The following WIPI1 variants were observed in gnomAD, a reference collection of about 807,000 sequenced individuals.
WIPI1 encodes WD repeat domain phosphoinositide-interacting protein 1.
Under a neutral mutation model 55.3 loss-of-function variants are expected in WIPI1, and 45 were observed. That is an observed-to-expected ratio of 0.81 (90% CI 0.64 to 1.04). The LOEUF is 1.04. WIPI1 is among the 50% of genes least tolerant of loss of function. WIPI1 has a pLI of 0.00. For missense variants in WIPI1, 445 were observed against 559.0 expected, an observed-to-expected ratio of 0.80 and a Z score of 2.06; for synonymous variants, 195 against 217.6, an observed-to-expected ratio of 0.90 and a Z score of 0.92.
At chr17:68,438,137 C>T (rs574172978) in intron 4 of WIPI1, among the ~76,000 whole-genome samples, 6 of 152,264 alleles carry the variant, frequency 3.9e-5, no homozygotes, top group Admixed American at 1.3e-4. Flanking sequence ...GTCTCATTTC[C>T]TGCTCTGGCT....
Position 68,428,840 on chromosome 17 carries a change from G to T in WIPI1, c.1062C>A (p.Ile354=). ...DPQDGGECVL[I]KTHSLLGSGT... ...AGCAGTCTCTTCACCTGTGGGTTTT[G>T]ATTAAGACACACTCTCCTCCATCCT... Residue 354 remains isoleucine (I), a synonymous_variant, in exon 10 of 13, where the codon ATC becomes ATA. Transcript: ENST00000262139. 1 of 1,613,466 alleles carries T rather than the reference G, an allele frequency of 6.2e-7. No homozygotes were observed. Among genetic ancestry groups the T allele is most frequent in the South Asian group, 1.1e-5 (1 of 91,050 alleles).
intron 4 of WIPI1, 55 bp from the exon 5 acceptor site, chr17:68,436,534 G>T: frequency 6.6e-7 from 1 of 1,519,974 alleles, no homozygotes; most frequent in South Asian, 1.1e-5. Flanking sequence ...GAGATTGCAC[G>T]GCTGGAGAGG....
chr17:68,444,674 G>T, intron 3 of WIPI1, 85 bp from the exon 4 acceptor site: 2 of 1,119,462 alleles, frequency 1.8e-6, no homozygotes, highest in Non-Finnish European at 2.6e-6. Context: ...TTTCATATGA[G>T]TCCTAACTTG....
At chr17:68,426,250 G>GGGGGGGGGGGT in intron 11 of WIPI1, 75 bp from the exon 12 acceptor site, 3 of 828,060 alleles carry the variant, frequency 3.6e-6, no homozygotes, top group Non-Finnish European at 1.9e-6. Flanking sequence ...GGTGGGGAGC[G>GGGGGGGGGGGT]GGGGCTCAAA....
chr17:68,426,250 G>GGGGGGGT lies in WIPI1; in HGVS notation c.1193-76_1193-75insACCCCCC. 9 of 828,050 alleles carry GGGGGGGT rather than the reference G, an allele frequency of 1.1e-5. 2 individuals are homozygous for GGGGGGGT. The highest frequency in any genetic ancestry group is 3.4e-5 in the East Asian group (1 of 29,140). The allele number at this position is 828,050 out of a possible 1,614,324, so 51.3% of individuals were successfully genotyped here. A position where few individuals can be genotyped will look rare whatever the true frequency, so the allele number is the denominator to read the frequency against. The stretch of plus-strand genomic sequence containing the variant: ...TGCCATGACCTGGCGGGTGGGGAGC[G>GGGGGGGT]GGGGCTCAAATAAAGGGCAAAGGAA... On this transcript the variant is annotated intron_variant, in intron 11 of 12. Transcript: ENST00000262139.
chr17:68,434,654 A>G (rs146294421), intron 6 of WIPI1, 28 bp from the exon 7 acceptor site: 25,466 of 1,612,486 alleles, frequency 0.016, 244 homozygotes, highest in Non-Finnish European at 0.018. Flanking sequence ...TGGACATTTC[A>G]TAACCATTAG....
rs141095183 is a variant in WIPI1, at chr17:68,431,176, C to T, written c.801-1016G>A. Reference sequence around the variant, plus strand: ...AGCACGGGTGTATACAAAGAAAAACCACGTGAGCAGTTAATATGCGGTGCT... The same window carrying T: ...AGCACGGGTGTATACAAAGAAAAACTACGTGAGCAGTTAATATGCGGTGCT... On this transcript the variant is annotated intron_variant, in intron 8 of 12. Transcript: ENST00000262139. 3.9e-4 allele frequency among the ~76,000 whole-genome samples: 59 copies of T among 152,274 alleles called. 2 individuals carry two copies. In the East Asian group the frequency reaches 0.011, roughly 28 times the overall value.
intron 7 of WIPI1, 136 bp from the exon 8 acceptor site, chr17:68,433,711 G>T: frequency 2.4e-6 from 1 of 424,694 alleles, no homozygotes. Context: ...TAAACACTGT[G>T]GTGCTCATAT....
rs10607287 is a variant in WIPI1, at chr17:68,444,915, C to CT, written c.334-327dup. ...TTCCTTAGAACAGGGATCCTGAACA[C>CT]TTTTTTTTTTTTTTTTTTTTTTTGA... On this transcript the variant is annotated intron_variant, in intron 3 of 12. Coordinates refer to ENST00000262139, the MANE Select transcript of WIPI1 (RefSeq NM_017983.7). Among the ~76,000 whole-genome samples, 647 of 89,048 alleles carry CT rather than the reference C, an allele frequency of 7.3e-3. 17 individuals carry two copies. The highest frequency in any genetic ancestry group is 0.017 in the African/African-American group (347 of 20,750). The allele number at this position is 89,048 out of a possible 152,430, so 58.4% of individuals were successfully genotyped here. A position where few individuals can be genotyped will look rare whatever the true frequency, so the allele number is the denominator to read the frequency against.
intron 12 of WIPI1, among the ~76,000 whole-genome samples, chr17:68,425,356 A>C: frequency 6.7e-6 from 1 of 148,922 alleles, no homozygotes; most frequent in Non-Finnish European, 1.5e-5. Flanking sequence ...GGCACGTGAC[A>C]CCACACCCGG....
chr17:68,422,704 G>A (rs1443342179), intron 12 of WIPI1: 1 of 129,366 alleles, frequency 7.7e-6, no homozygotes, highest in Non-Finnish European at 1.6e-5. Context: ...ATTCTAGCCT[G>A]AGGGACAGAG....
At chr17:68,426,000 G>T (rs1274499358) in intron 12 of WIPI1, 75 bp downstream of exon 12, 18 of 1,151,636 alleles carry the variant, frequency 1.6e-5, no homozygotes, top group Non-Finnish European at 2.3e-5. Flanking sequence ...AAGGGACTCT[G>T]CCTCTCGTAT....
At chr17:68,434,152 T>C (rs946864820) in intron 7 of WIPI1, among the ~76,000 whole-genome samples, 1 of 152,170 alleles carries the variant, frequency 6.6e-6, no homozygotes, top group Non-Finnish European at 1.5e-5. Context: ...TCCTGGCATC[T>C]TGGAATCTTC....
At chr17:68,427,011 GAA>G in intron 11 of WIPI1, 122 bp downstream of exon 11, 1 of 760,514 alleles carries the variant, frequency 1.3e-6, no homozygotes, top group East Asian at 2.5e-5. Context: ...AGTGAAGGGG[GAA>G]GGGGAGGGAG....
chr17:68,453,574 G>T (rs2084571316), intron 1 of WIPI1, among the ~76,000 whole-genome samples: 1 of 151,472 alleles, frequency 6.6e-6, no homozygotes, highest in Non-Finnish European at 1.5e-5. Context: ...CGCCTCCTGG[G>T]TTCAAGCAAT....
chr17:68,436,388 G>C lies in WIPI1; in HGVS notation c.522C>G (p.Asn174Lys), dbSNP rs1335061914. The C allele has an allele frequency of 1.2e-6, 2 of 1,613,804 alleles. No homozygotes were observed. Among genetic ancestry groups the C allele is most frequent in the Non-Finnish European group, 8.5e-7 (1 of 1,179,724 alleles). The part of the protein sequence containing the change: ...TSGEIVLYDG[N>K]SLKTVCTIAA... ...CAGGTCACCGTCAACTTACCAGGGAGTTTCCATCATAAAGCACAATCTCCC... is the reference window on the plus strand; with the variant it reads ...CAGGTCACCGTCAACTTACCAGGGACTTTCCATCATAAAGCACAATCTCCC... The change falls in exon 5 of 13, where the codon AAC becomes AAG. Residue 174 changes from asparagine (N) to lysine (K), a missense_variant. Transcript: ENST00000262139.
intron 4 of WIPI1, among the ~76,000 whole-genome samples, chr17:68,443,563 C>T (rs2084168600): frequency 7.1e-6 from 1 of 140,680 alleles, no homozygotes; most frequent in Non-Finnish European, 1.6e-5. Context: ...CTTTCACAAA[C>T]ATTACCTTGT....
Position 68,452,951 on chromosome 17 carries a change from G to T in WIPI1, c.122C>A (p.Ser41Tyr). 6.2e-7 allele frequency: 1 copy of T among 1,614,092 alleles called. No individual in the cohort carries two copies. Among genetic ancestry groups the T allele is most frequent in the Non-Finnish European group, 8.5e-7 (1 of 1,180,002 alleles). Residue 41 changes from serine to tyrosine, a missense_variant, in exon 2 of 13, where the codon TCT becomes TAT. Coordinates refer to ENST00000262139, the MANE Select transcript of WIPI1 (RefSeq NM_017983.7). ...TGTKAGYKLF[S>Y]LSSVEQLDQV... ...ATCCAGCTGCTCCACAGAACTCAGA[G>T]AAAACAGCTTATACCCGGCTTTAGT...
chr17:68,427,407 A>C (rs1265736148), intron 10 of WIPI1, 154 bp from the exon 11 acceptor site: 3 of 553,760 alleles, frequency 5.4e-6, no homozygotes, highest in Non-Finnish European at 9.4e-6. Context: ...CCCAGGCTGG[A>C]GTGCAGTGGC....
Sources: gnomAD v4.1 joint callset for allele counts (sites outside exome capture counted in the v4.1 genomes callset) on GRCh38, gnomAD v4.1.1 for gene constraint, MANE v1.5 for transcripts, NCBI Gene and HGNC (gene_info 2026-07-23, HGNC 2026-07-21) for gene names.